Variants in CNTNAP5 observed in about 807,000 individuals in gnomAD.
CNTNAP5 encodes the protein contactin-associated protein-like 5.
A neutral mutation model predicts 150.2 loss-of-function variants in CNTNAP5; 72 were observed. That is an observed-to-expected ratio of 0.48 (90% CI 0.40 to 0.58). The LOEUF (loss-of-function observed/expected upper bound fraction) is 0.58, where lower values mean the gene tolerates loss of function less well. Ranked by LOEUF, CNTNAP5 falls within the 20% of genes least tolerant of loss-of-function variation. The pLI is 0.00. For synonymous variants in CNTNAP5, 672 were observed against 619.8 expected (o/e 1.08, Z -1.25); for missense variants, 1,636 against 1,626.2 (o/e 1.01, Z -0.10).
intron 13 of CNTNAP5, among the ~76,000 whole-genome samples, chr2:124,746,834 C>T (rs1023774836): frequency 6.6e-6 from 1 of 152,082 alleles, no homozygotes; most frequent in Non-Finnish European, 1.5e-5. Flanking sequence ...CTCAATCGTG[C>T]CTGATCTGGT....
chr2:124,563,404 A>T lies in CNTNAP5; in HGVS notation c.1756+81A>T, dbSNP rs138410818. 78 of 808,200 alleles carry T rather than the reference A, an allele frequency of 9.7e-5. No individual in the cohort carries two copies. The Middle Eastern group carries it at 1.6e-3, about 17-fold the overall frequency. 50.1% of individuals were successfully genotyped at this position (808,200 alleles called of 1,614,324 possible). ...TTGTTAACTTCAGGATGTATTTAGC[A>T]TGGGGCAGGCATGTTTTATTCACTC... On this transcript the variant is annotated intron_variant, in intron 11 of 23. Transcript: ENST00000682447.
At chr2:124,748,004 C>A (rs887399588) in intron 14 of CNTNAP5, among the ~76,000 whole-genome samples, 5 of 151,294 alleles carry the variant, frequency 3.3e-5, no homozygotes, top group South Asian at 2.1e-4. Context: ...TTGAGCTTTG[C>A]GATTGAGTCA....
intron 21 of CNTNAP5, among the ~76,000 whole-genome samples, chr2:124,899,189 C>A (rs1249784511): frequency 6.6e-6 from 1 of 151,308 alleles, no homozygotes; most frequent in African/African-American, 2.5e-5. Flanking sequence ...AACACCAAAG[C>A]TGCATTAATG....
intron 21 of CNTNAP5, among the ~76,000 whole-genome samples, chr2:124,884,906 A>G (rs1028135958): frequency 5.9e-5 from 9 of 152,044 alleles, no homozygotes; most frequent in Non-Finnish European, 1.2e-4. Flanking sequence ...CTGTTTCTCT[A>G]AGATTGCTTT....
At chr2:124,855,144 A>G (rs1245171756) in intron 19 of CNTNAP5, among the ~76,000 whole-genome samples, 1 of 149,776 alleles carries the variant, frequency 6.7e-6, no homozygotes, top group Non-Finnish European at 1.5e-5. Context: ...TCTCATATAG[A>G]ATTAGAAAGC....
intron 1 of CNTNAP5, among the ~76,000 whole-genome samples, chr2:124,170,263 TG>T (rs149159748): frequency 0.9 from 135,314 of 150,612 alleles, 61,092 homozygotes; most frequent in Non-Finnish European, 0.94. Context: ...TTTTTGTTTT[TG>T]TTTTTCCTGA....
intron 1 of CNTNAP5, 23 bp downstream of exon 1, chr2:124,025,755 G>A (rs771606349): frequency 5.1e-6 from 8 of 1,566,098 alleles, no homozygotes; most frequent in Non-Finnish European, 7.0e-6. Flanking sequence ...AGCTGGGGGC[G>A]GGAAGGTGAG....
intron 6 of CNTNAP5, among the ~76,000 whole-genome samples, chr2:124,458,295 A>T (rs1182808766): frequency 0.046 from 20 of 432 alleles, no homozygotes; most frequent in African/African-American, 0.056. Context: ...GTAATATTTT[A>T]TATATATATA....
At chr2:124,356,538 A>G (rs1233219190) in intron 3 of CNTNAP5, among the ~76,000 whole-genome samples, 4 of 142,286 alleles carry the variant, frequency 2.8e-5, no homozygotes, top group African/African-American at 5.3e-5. Flanking sequence ...ATTCCCACCT[A>G]TGAGTGAGAA....
At position 124,604,572 on chromosome 2, in the gene CNTNAP5, T is replaced by G. The variant is rs926865223; in HGVS notation, c.1757-5229T>G. On this transcript the variant is annotated intron_variant, in intron 11 of 23. Coordinates refer to ENST00000682447, the MANE Select transcript of CNTNAP5 (RefSeq NM_001367498.1). ...CGCTTTTCCCAAATAATCTTGTAGTTTAGGGAAATCAAACGATGAAGGTTG... is the reference window on the plus strand; with the variant it reads ...CGCTTTTCCCAAATAATCTTGTAGTGTAGGGAAATCAAACGATGAAGGTTG... Among the ~76,000 whole-genome samples the G allele has an allele frequency of 7.9e-5, 12 of 152,326 alleles. No homozygotes were observed. In the East Asian group the frequency reaches 2.1e-3, roughly 27 times the overall value.
chr2:124,482,664 G>T (rs1373072642), intron 7 of CNTNAP5, among the ~76,000 whole-genome samples: 1 of 152,050 alleles, frequency 6.6e-6, no homozygotes, highest in East Asian at 1.9e-4. Flanking sequence ...AGAGCTTGAG[G>T]GCGGAATCCT....
At chr2:124,909,332 G>A (rs1029824216) in intron 22 of CNTNAP5, among the ~76,000 whole-genome samples, 3 of 152,254 alleles carry the variant, frequency 2.0e-5, no homozygotes, top group African/African-American at 4.8e-5. Context: ...TGCTATACAG[G>A]CGTGTAGCCT....
At chr2:124,794,913 G>A (rs532222075) in intron 18 of CNTNAP5, among the ~76,000 whole-genome samples, 156 of 152,182 alleles carry the variant, frequency 1.0e-3, no homozygotes, top group African/African-American at 3.7e-3. Flanking sequence ...TATAATAAAA[G>A]TATAATAATT....
chr2:124,347,588 CTCCTATGA>C (rs1310521371), intron 3 of CNTNAP5, among the ~76,000 whole-genome samples: 1 of 152,152 alleles, frequency 6.6e-6, no homozygotes, highest in African/African-American at 2.4e-5. Flanking sequence ...CCAGGGTGCG[CTCCTATGA>C]TCCTATGATC....
intron 1 of CNTNAP5, among the ~76,000 whole-genome samples, chr2:124,114,711 T>C (rs1356405094): frequency 6.6e-6 from 1 of 151,842 alleles, no homozygotes; most frequent in African/African-American, 2.4e-5. Context: ...TAAAAATATT[T>C]CAAAATTTCA....
At chr2:124,714,232 T>C (rs1190793533) in intron 13 of CNTNAP5, among the ~76,000 whole-genome samples, 3 of 152,150 alleles carry the variant, frequency 2.0e-5, no homozygotes, top group Non-Finnish European at 2.9e-5. Flanking sequence ...TTTTCACCTC[T>C]ATCTGCTCAA....
chr2:124,582,874 G>A (rs12618822), intron 11 of CNTNAP5, among the ~76,000 whole-genome samples: 4,642 of 152,114 alleles, frequency 0.031, 180 homozygotes, highest in East Asian at 0.091. Flanking sequence ...GTGTTTGATT[G>A]CTTCCTTATA....
At chr2:124,783,143 G>C (rs1464882241) in intron 17 of CNTNAP5, among the ~76,000 whole-genome samples, 1 of 152,122 alleles carries the variant, frequency 6.6e-6, no homozygotes, top group Non-Finnish European at 1.5e-5. Flanking sequence ...CTGGCGTGCT[G>C]GTAAAATTCT....
intron 1 of CNTNAP5, among the ~76,000 whole-genome samples, chr2:124,065,391 G>A (rs1415192653): frequency 6.6e-6 from 1 of 151,982 alleles, no homozygotes; most frequent in Non-Finnish European, 1.5e-5. Context: ...ATTCCAATTG[G>A]TCTGGCCAGT....
Sources: gnomAD v4.1 joint callset for allele counts (sites outside exome capture counted in the v4.1 genomes callset) on GRCh38, gnomAD v4.1.1 for gene constraint, MANE v1.5 for transcripts, NCBI Gene and HGNC (gene_info 2026-07-23, HGNC 2026-07-21) for gene names.